GLI3: variants seen among roughly 807,000 people sequenced by gnomAD.
GLI3 encodes GLI family zinc finger 3.
A neutral mutation model predicts 100.8 loss-of-function variants in GLI3; 20 were observed. That is an observed-to-expected ratio of 0.20 (90% confidence interval 0.14 to 0.29). The LOEUF is 0.29. GLI3 is among the 10% of genes least tolerant of loss of function. The probability of loss-of-function intolerance (pLI) is 1.00; values close to 1 mark genes in which losing one functional copy is unlikely to be tolerated. For synonymous variants in GLI3, 938 were observed against 860.5 expected, an observed-to-expected ratio of 1.09 and a Z score of -1.58; for missense variants, 2,040 against 2,128.5, an observed-to-expected ratio of 0.96 and a Z score of 0.82.
At chr7:42,013,517 C>T (rs1206525384) in intron 10 of GLI3, among the ~76,000 whole-genome samples, 1 of 151,974 alleles carries the variant, frequency 6.6e-6, no homozygotes, top group East Asian at 1.9e-4. Flanking sequence ...GTGTGCCTCA[C>T]CATGTTCGGC....
chr7:42,004,389 C>T (rs1788391119), intron 10 of GLI3, among the ~76,000 whole-genome samples: 1 of 151,898 alleles, frequency 6.6e-6, no homozygotes. Context: ...TTAGAAAACC[C>T]AAGACATAAA....
intron 4 of GLI3, among the ~76,000 whole-genome samples, chr7:42,074,707 G>C (rs1391429972): frequency 6.6e-6 from 1 of 152,100 alleles, no homozygotes; most frequent in African/African-American, 2.4e-5. Flanking sequence ...CTAAAACCAG[G>C]CAGTCCCAGG....
At chr7:42,206,270 AAAT>A (rs970290865) in intron 2 of GLI3, among the ~76,000 whole-genome samples, 14 of 151,016 alleles carry the variant, frequency 9.3e-5, no homozygotes, top group Non-Finnish European at 1.5e-4. Context: ...CCCATCTAAA[AAAT>A]AATAATAATA....
intron 3 of GLI3, among the ~76,000 whole-genome samples, chr7:42,104,758 T>G (rs1272572769): frequency 6.6e-6 from 1 of 152,092 alleles, no homozygotes; most frequent in Non-Finnish European, 1.5e-5. Context: ...TTCATAAGGG[T>G]GGAGCCCTTA....
chr7:42,255,739 T>G (rs1789079330), intron 1 of GLI3, among the ~76,000 whole-genome samples: 1 of 152,202 alleles, frequency 6.6e-6, no homozygotes, highest in Non-Finnish European at 1.5e-5. Flanking sequence ...TGTTTTCAGT[T>G]TTTGGTGATG....
At chr7:42,150,120 A>G (rs997661780) in intron 2 of GLI3, 4 of 152,220 alleles carry the variant, frequency 2.6e-5, no homozygotes, top group African/African-American at 9.6e-5. Flanking sequence ...ATATTATTTT[A>G]ATAATGTTTT....
At position 42,018,808 on chromosome 7, in the gene GLI3, C is replaced by T. The variant is rs1259484379; in HGVS notation, c.1497+4660G>A. ...ACTCTACAAAAAGATGAATTTTTGA[C>T]ACAATGCTTCACGGAGACAAATGGA... is the stretch of plus-strand genomic sequence containing the variant. On this transcript the variant is annotated intron_variant, in intron 10 of 14. Transcript: ENST00000395925. Among the ~76,000 whole-genome samples, 4 of 152,276 alleles carry T rather than the reference C, an allele frequency of 2.6e-5. No individual in the cohort carries two copies. The South Asian group carries it at 6.2e-4, about 24-fold the overall frequency.
intron 3 of GLI3, among the ~76,000 whole-genome samples, chr7:42,129,654 C>T (rs1462007443): frequency 1.3e-5 from 2 of 151,968 alleles, no homozygotes; most frequent in Non-Finnish European, 2.9e-5. Flanking sequence ...ACCAAAAATA[C>T]AAAAAAATTA....
intron 7 of GLI3, among the ~76,000 whole-genome samples, chr7:42,038,090 T>G (rs1314956172): frequency 1.3e-5 from 2 of 152,232 alleles, no homozygotes; most frequent in African/African-American, 4.8e-5. Context: ...TGTGCCACAT[T>G]TCTGCTACTT....
At chr7:42,157,100 C>T (rs1787020428) in intron 2 of GLI3, among the ~76,000 whole-genome samples, 1 of 152,176 alleles carries the variant, frequency 6.6e-6, no homozygotes. Flanking sequence ...GAGCTAGAGG[C>T]CACATGACCC....
intron 3 of GLI3, among the ~76,000 whole-genome samples, chr7:42,130,340 T>A (rs1434479374): frequency 6.6e-6 from 1 of 152,070 alleles, no homozygotes; most frequent in Non-Finnish European, 1.5e-5. Context: ...TCACTAGGTT[T>A]TATGAGGAGA....
chr7:42,140,925 G>A (rs1786553475), intron 3 of GLI3, among the ~76,000 whole-genome samples: 1 of 152,154 alleles, frequency 6.6e-6, no homozygotes, highest in African/African-American at 2.4e-5. Context: ...TTTACTCTAG[G>A]AGGGAAGGAA....
intron 2 of GLI3, among the ~76,000 whole-genome samples, chr7:42,191,310 A>T: frequency 6.6e-6 from 1 of 152,174 alleles, no homozygotes. Context: ...TTACCAGTCA[A>T]TAAAAATAGA....
intron 10 of GLI3, among the ~76,000 whole-genome samples, chr7:41,982,624 C>G (rs552075885): frequency 1.7e-4 from 26 of 151,308 alleles, no homozygotes; most frequent in African/African-American, 5.8e-4. Context: ...GTCACTTGAG[C>G]CCAGGAGGTC....
At chr7:42,202,253 G>T (rs1395794808) in intron 2 of GLI3, among the ~76,000 whole-genome samples, 1 of 150,942 alleles carries the variant, frequency 6.6e-6, no homozygotes, top group Non-Finnish European at 1.5e-5. Flanking sequence ...AAAGATAGAG[G>T]CATTGGCCCC....
At chr7:41,971,827 C>T (rs1053243804) in intron 13 of GLI3, among the ~76,000 whole-genome samples, 2 of 152,228 alleles carry the variant, frequency 1.3e-5, no homozygotes, top group Non-Finnish European at 2.9e-5. Context: ...TGTCCCATGG[C>T]TTCCTCTGCC....
chr7:42,247,865 C>T (rs919349934), intron 1 of GLI3, among the ~76,000 whole-genome samples: 1 of 152,192 alleles, frequency 6.6e-6, no homozygotes, highest in African/African-American at 2.4e-5. Context: ...ATCTGAACTG[C>T]GTGAGCAACA....
intron 10 of GLI3, 47 bp from the exon 11 acceptor site, chr7:41,978,795 C>A: frequency 1.3e-6 from 2 of 1,569,676 alleles, no homozygotes; most frequent in Non-Finnish European, 1.8e-6. Context: ...ACGTATTCAT[C>A]ATTTCTGAAG....
At chr7:42,231,100 G>C (rs1013194222) in intron 1 of GLI3, among the ~76,000 whole-genome samples, 3 of 152,176 alleles carry the variant, frequency 2.0e-5, no homozygotes, top group African/African-American at 4.8e-5. Flanking sequence ...TGGTTTCTTA[G>C]AATCATGTGT....
Sources: gnomAD v4.1 joint callset for allele counts (sites outside exome capture counted in the v4.1 genomes callset) on GRCh38, gnomAD v4.1.1 for gene constraint, MANE v1.5 for transcripts, NCBI Gene and HGNC (gene_info 2026-07-23, HGNC 2026-07-21) for gene names.